The following SHROOM3 variants were observed in gnomAD, a reference collection of about 807,000 sequenced individuals.
SHROOM3 encodes protein Shroom3.
A neutral mutation model predicts 138.6 loss-of-function variants in SHROOM3; 47 were observed. The ratio of observed to expected loss-of-function variants is 0.34; its 90% CI spans 0.27 to 0.43. The LOEUF (loss-of-function observed/expected upper bound fraction) is 0.43, where lower values mean the gene tolerates loss of function less well. Ranked by LOEUF, SHROOM3 falls within the 20% of genes least tolerant of loss-of-function variation. SHROOM3 has a pLI of 1.00. For missense variants in SHROOM3, 2,491 were observed against 2,596.5 expected (o/e 0.96, Z 0.88); for synonymous variants, 1,062 against 1,063.3 (o/e 1.00, Z 0.02).
intron 2 of SHROOM3, among the ~76,000 whole-genome samples, chr4:76,707,035 A>G (rs116825928): frequency 3.1e-4 from 47 of 152,346 alleles, no homozygotes; most frequent in Non-Finnish European, 6.0e-4. Context: ...TTATCCCAGT[A>G]TGTTTCACTT....
intron 1 of SHROOM3, among the ~76,000 whole-genome samples, chr4:76,553,321 G>C (rs1733404759): frequency 6.6e-6 from 1 of 151,916 alleles, no homozygotes; most frequent in South Asian, 2.1e-4. Context: ...TATCACCCAG[G>C]CTGAAGTGCA....
At chr4:76,707,069 G>T (rs1395006086) in intron 2 of SHROOM3, among the ~76,000 whole-genome samples, 1 of 152,134 alleles carries the variant, frequency 6.6e-6, no homozygotes, top group Non-Finnish European at 1.5e-5. Flanking sequence ...TGATTTCCAG[G>T]CTTCTACAAT....
intron 3 of SHROOM3, among the ~76,000 whole-genome samples, chr4:76,717,427 T>G (rs1720405699): frequency 6.6e-6 from 1 of 152,228 alleles, no homozygotes; most frequent in Non-Finnish European, 1.5e-5. Flanking sequence ...TTCAAGAATT[T>G]CTTTTCTTCC....
At chr4:76,600,483 A>G (rs1158241603) in intron 2 of SHROOM3, among the ~76,000 whole-genome samples, 1 of 152,204 alleles carries the variant, frequency 6.6e-6, no homozygotes, top group Admixed American at 6.5e-5. Flanking sequence ...CCTAGGATAC[A>G]ATAGGCCACT....
chr4:76,661,234 C>CTT (rs912334272), intron 2 of SHROOM3, among the ~76,000 whole-genome samples: 2 of 146,022 alleles, frequency 1.4e-5, no homozygotes, highest in Admixed American at 6.8e-5. Flanking sequence ...AATCCATTTT[C>CTT]TTTTTTTTTT....
At position 76,525,669 on chromosome 4, in the gene SHROOM3, T is replaced by C. The variant is rs558940479; in HGVS notation, c.169-29940T>C. On this transcript the variant is annotated intron_variant, in intron 1 of 10. Coordinates refer to ENST00000296043, the MANE Select transcript of SHROOM3 (RefSeq NM_020859.4). ...CCATTTTCAAATTAGATTGTTTTTT[T>C]CTTAATGCAAAGATTTTTAAAGCCT... Among the ~76,000 whole-genome samples, 3 of 152,332 alleles carry C rather than the reference T, an allele frequency of 2.0e-5. No individual in the cohort carries two copies. In the South Asian group the frequency reaches 6.2e-4, roughly 32 times the overall value.
chr4:76,538,572 G>A (rs1225261617), intron 1 of SHROOM3, among the ~76,000 whole-genome samples: 1 of 152,180 alleles, frequency 6.6e-6, no homozygotes, highest in African/African-American at 2.4e-5. Flanking sequence ...AGGAAGCATG[G>A]CAGGTAGGAA....
At position 76,780,538 on chromosome 4, in the gene SHROOM3, A is replaced by T. The variant is rs1284075323; in HGVS notation, c.*1361A>T. On this transcript the variant is annotated 3_prime_UTR_variant, in exon 11 of 11. Transcript: ENST00000296043. ...TGGGGGAGTAAAATTTTGAAGTAAAAAAAAAAAAAAAATGACAAGGGAACC... is the reference window on the plus strand; with the variant it reads ...TGGGGGAGTAAAATTTTGAAGTAAATAAAAAAAAAAAATGACAAGGGAACC... The T allele has an allele frequency of 2.6e-5, 4 of 151,954 alleles. No individual in the cohort carries two copies. Among genetic ancestry groups the T allele is most frequent in the Non-Finnish European group, 4.4e-5 (3 of 67,960 alleles). The allele number at this position is 151,954 out of a possible 1,614,324, so 9.4% of individuals were successfully genotyped here.
rs753205250 is a variant in SHROOM3, at chr4:76,739,239, G to T, written c.1066G>T (p.Val356Leu). The change falls in exon 5 of 11, where the codon GTG (valine) becomes TTG (leucine). Residue 356 changes from valine to leucine, a missense_variant. Coordinates refer to ENST00000296043, the MANE Select transcript of SHROOM3 (RefSeq NM_020859.4). Reference protein sequence around the residue: ...KWSNIPRGKGVPPPSWSQQCP... With the variant: ...KWSNIPRGKGLPPPSWSQQCP... ...GTCTAATATTCCTCGGGGCAAGGGA[G>T]TGCCACCCCCATCCTGGAGCCAGCA... 3 of 1,614,146 alleles carry T rather than the reference G, an allele frequency of 1.9e-6. No homozygotes were observed. The highest frequency in any genetic ancestry group is 2.5e-6 in the Non-Finnish European group (3 of 1,180,042).
intron 1 of SHROOM3, among the ~76,000 whole-genome samples, chr4:76,536,305 ATTG>A (rs1157204126): frequency 6.6e-6 from 1 of 152,174 alleles, no homozygotes; most frequent in Non-Finnish European, 1.5e-5. Flanking sequence ...GGGTTGAGAG[ATTG>A]CCAGGAATCT....
chr4:76,468,923 A>G (rs1731305845), intron 1 of SHROOM3, among the ~76,000 whole-genome samples: 1 of 151,906 alleles, frequency 6.6e-6, no homozygotes, highest in African/African-American at 2.4e-5. Flanking sequence ...AGTCCCAGCT[A>G]CTCGGGAGGC....
intron 2 of SHROOM3, among the ~76,000 whole-genome samples, chr4:76,574,117 A>G (rs1733888813): frequency 6.6e-6 from 1 of 152,144 alleles, no homozygotes; most frequent in African/African-American, 2.4e-5. Flanking sequence ...TTGACTTGCC[A>G]CCATCTTTTC....
Position 76,710,286 on chromosome 4 carries a change from A to G in SHROOM3, c.454A>G (p.Arg152Gly). The change falls in exon 3 of 11, where the codon AGG becomes GGG. Residue 152 changes from arginine to glycine, a missense_variant and splice_region_variant. Around this residue, in one of 4 missense-constraint regions of SHROOM3, gnomAD observed 284 missense variants for 322.8 expected, o/e 0.88. Transcript: ENST00000296043. ...AGGGGTTAAACTTCGGCTGAAGCACAGGTAAGACGCACGGAAGTTGGTGCT... is the reference window on the plus strand; with the variant it reads ...AGGGGTTAAACTTCGGCTGAAGCACGGGTAAGACGCACGGAAGTTGGTGCT... ...SGGVKLRLKH[R>G]RSEPAGRPHS... is the part of the protein sequence containing the mutation. 6.2e-7 allele frequency: 1 copy of G among 1,613,916 alleles called. No homozygotes were observed. The highest frequency in any genetic ancestry group is 8.5e-7 in the Non-Finnish European group (1 of 1,179,878).
chr4:76,469,465 T>G (rs1731321111), intron 1 of SHROOM3, among the ~76,000 whole-genome samples: 4 of 149,726 alleles, frequency 2.7e-5, no homozygotes, highest in Admixed American at 2.0e-4. Flanking sequence ...CCAATTGTCT[T>G]TTTTTTTTTG....
intron 2 of SHROOM3, among the ~76,000 whole-genome samples, chr4:76,614,429 A>G (rs554407221): frequency 2.0e-5 from 3 of 152,240 alleles, no homozygotes; most frequent in Non-Finnish European, 2.9e-5. Flanking sequence ...TGCCCCATCT[A>G]AAGGAGTCAG....
At chr4:76,724,454 C>G (rs1407759516) in intron 3 of SHROOM3, among the ~76,000 whole-genome samples, 1 of 151,102 alleles carries the variant, frequency 6.6e-6, no homozygotes, top group East Asian at 1.9e-4. Flanking sequence ...TTTTTTAACT[C>G]TCAAGCTACA....
chr4:76,466,973 A>G (rs1336685573), intron 1 of SHROOM3, among the ~76,000 whole-genome samples: 1 of 151,936 alleles, frequency 6.6e-6, no homozygotes, highest in East Asian at 1.9e-4. Flanking sequence ...TCTTGCATTT[A>G]TGCTATGTGC....
chr4:76,702,747 C>A (rs765947408), intron 2 of SHROOM3, among the ~76,000 whole-genome samples: 2 of 152,100 alleles, frequency 1.3e-5, no homozygotes, highest in Non-Finnish European at 2.9e-5. Context: ...TTGTGAGAGC[C>A]CTTGGTTTTC....
chr4:76,740,989 C>G lies in SHROOM3; in HGVS notation c.2816C>G (p.Thr939Ser). The G allele has an allele frequency of 6.7e-7, 1 of 1,491,240 alleles. No individual in the cohort carries two copies. 92.4% of individuals were successfully genotyped at this position (1,491,240 alleles called of 1,614,324 possible). Reference protein sequence around the residue: ...KDAQSRVLGATSFRRRDLELG... With the variant: ...KDAQSRVLGASSFRRRDLELG... ...GCACAGTCCCGTGTCTTGGGGGCCA[C>G]CTCCTTTCGACGTCGAGACCTGGAG... Residue 939 changes from threonine to serine, a missense_variant, in exon 5 of 11, where the codon ACC becomes AGC. By Grantham distance (58) the Thr-to-Ser change is moderately conservative. Transcript: ENST00000296043. The surrounding 1 kb of genome is among the most constrained non-coding windows in gnomAD (Gnocchi z 4.0).
Sources: gnomAD v4.1 joint callset for allele counts (sites outside exome capture counted in the v4.1 genomes callset) on GRCh38, gnomAD v4.1.1 for gene constraint, gnomAD v4.1.1 regional missense constraint, Gnocchi (gnomAD v3.1) non-coding constraint, MANE v1.5 for transcripts, NCBI Gene and HGNC (gene_info 2026-07-23, HGNC 2026-07-21) for gene names.